The following KIAA1549L variants were observed in gnomAD, a reference collection of about 807,000 sequenced individuals.
The protein encoded by KIAA1549L is KIAA1549 like.
In KIAA1549L, 88 loss-of-function variants were observed where a neutral mutation model predicts 160.7. The observed-to-expected ratio is 0.55, with a 90% confidence interval of 0.46 to 0.65. The LOEUF (loss-of-function observed/expected upper bound fraction) is 0.65. KIAA1549L is among the 30% of genes least tolerant of loss of function. The pLI is 0.00. For missense variants in KIAA1549L, 2,258 were observed against 2,437.5 expected (o/e 0.93, Z 1.55); for synonymous variants, 950 against 976.7 (o/e 0.97, Z 0.51).
At chr11:33,594,026 AG>A (rs2133293229) in intron 12 of KIAA1549L, among the ~76,000 whole-genome samples, 1 of 152,308 alleles carries the variant, frequency 6.6e-6, no homozygotes, top group South Asian at 2.1e-4. Context: ...GAATAGTGTC[AG>A]GAAGAAGGGC....
At chr11:33,516,009 C>T (rs1330430359) in intron 1 of KIAA1549L, among the ~76,000 whole-genome samples, 1 of 152,184 alleles carries the variant, frequency 6.6e-6, no homozygotes, top group Non-Finnish European at 1.5e-5. Context: ...TTCATGCTGC[C>T]ATTCTGTACT....
chr11:33,541,472 A>G (rs1242848948), intron 1 of KIAA1549L, among the ~76,000 whole-genome samples: 1 of 152,184 alleles, frequency 6.6e-6, no homozygotes, highest in Non-Finnish European at 1.5e-5. Context: ...GTCATTGGCC[A>G]TGGCAGTTGA....
intron 4 of KIAA1549L, among the ~76,000 whole-genome samples, chr11:33,549,132 A>G (rs1276568104): frequency 6.6e-6 from 1 of 151,614 alleles, no homozygotes; most frequent in Admixed American, 6.5e-5. Context: ...TTTACAGACC[A>G]GTGTGACAAT....
chr11:33,385,625 G>A (rs1850158626), intron 1 of KIAA1549L, among the ~76,000 whole-genome samples: 1 of 152,066 alleles, frequency 6.6e-6, no homozygotes, highest in Non-Finnish European at 1.5e-5. Context: ...GCTATTCTAG[G>A]TCTTATGCTT....
At chr11:33,450,743 A>T (rs1018723371) in intron 1 of KIAA1549L, 1 of 152,186 alleles carries the variant, frequency 6.6e-6, no homozygotes, top group Admixed American at 6.5e-5. Context: ...AACAGCTGCA[A>T]ACTCTCCCAG....
chr11:33,614,591 T>A (rs1410369287), intron 15 of KIAA1549L, among the ~76,000 whole-genome samples: 3 of 44,864 alleles, frequency 6.7e-5, no homozygotes, highest in Non-Finnish European at 1.4e-4. Context: ...TATATTTTTT[T>A]TTTTTTTTTT....
intron 9 of KIAA1549L, among the ~76,000 whole-genome samples, chr11:33,574,287 G>C (rs1462281555): frequency 6.6e-6 from 1 of 151,038 alleles, no homozygotes; most frequent in South Asian, 2.1e-4. Context: ...GAGATCTTTT[G>C]AATTGCAGAC....
chr11:33,476,426 T>C (rs1004898631), intron 1 of KIAA1549L, among the ~76,000 whole-genome samples: 1 of 152,164 alleles, frequency 6.6e-6, no homozygotes, highest in Non-Finnish European at 1.5e-5. Flanking sequence ...GAGGAACTAG[T>C]AGATGCTAGA....
chr11:33,384,943 T>G (rs941666571), intron 1 of KIAA1549L, among the ~76,000 whole-genome samples: 1 of 150,432 alleles, frequency 6.6e-6, no homozygotes, highest in Non-Finnish European at 1.5e-5. Context: ...TTTTGTTTTT[T>G]GTTTTTTTTT....
intron 5 of KIAA1549L, 142 bp from the exon 6 acceptor site, chr11:33,551,966 A>C: frequency 1.1e-6 from 1 of 923,690 alleles, no homozygotes. Flanking sequence ...CAAAACTACA[A>C]GCAAACCTTG....
intron 1 of KIAA1549L, among the ~76,000 whole-genome samples, chr11:33,465,917 T>C (rs1458658588): frequency 6.6e-6 from 1 of 152,042 alleles, no homozygotes. Context: ...GCAATACCAT[T>C]CAGGACATAG....
intron 11 of KIAA1549L, among the ~76,000 whole-genome samples, chr11:33,587,211 G>A (rs1452913043): frequency 6.6e-6 from 1 of 152,186 alleles, no homozygotes; most frequent in African/African-American, 2.4e-5. Context: ...GGTCTTGGCA[G>A]TGTATCCGCC....
chr11:33,468,878 A>G (rs1440957772), intron 1 of KIAA1549L, among the ~76,000 whole-genome samples: 2 of 152,166 alleles, frequency 1.3e-5, no homozygotes, highest in African/African-American at 2.4e-5. Flanking sequence ...TTATAGAAAC[A>G]TCAACAAATA....
chr11:33,420,324 G>A (rs1850985824), intron 1 of KIAA1549L, among the ~76,000 whole-genome samples: 1 of 148,438 alleles, frequency 6.7e-6, no homozygotes, highest in Non-Finnish European at 1.5e-5. Flanking sequence ...GACCTCTCAG[G>A]CTCAAGCAAC....
intron 16 of KIAA1549L, among the ~76,000 whole-genome samples, chr11:33,636,329 C>A (rs1360766727): frequency 6.0e-5 from 9 of 150,014 alleles, no homozygotes; most frequent in Non-Finnish European, 1.2e-4. Flanking sequence ...TTGCTACAAT[C>A]TCTGGTAACA....
In KIAA1549L at chr11:33,567,617, A is replaced by T. The variant is rs562842697; in HGVS notation, c.4079-459A>T. ...CTGGGACAAGGCAAAATAAAATAGG[A>T]ATAGCCCTGAGCCAGACCTTGAGTG... On this transcript the variant is annotated intron_variant, in intron 8 of 20. Coordinates refer to ENST00000658780, the MANE Select transcript of KIAA1549L (RefSeq NM_012194.3). Among the ~76,000 whole-genome samples the T allele has an allele frequency of 3.3e-4, 50 of 152,180 alleles. 1 individual carries two copies. Among genetic ancestry groups the T allele is most frequent in the Admixed American group, 7.2e-4 (11 of 15,278 alleles).
intron 1 of KIAA1549L, among the ~76,000 whole-genome samples, chr11:33,536,895 C>T (rs183491459): frequency 1.5e-3 from 232 of 152,298 alleles, no homozygotes; most frequent in Middle Eastern, 6.8e-3. Flanking sequence ...TCTTTCCCGT[C>T]TGTTCTTCAT....
In KIAA1549L at chr11:33,551,115, G is replaced by T; in HGVS notation, c.3577G>T (p.Ala1193Ser). The part of the protein sequence containing the change: ...ATKGKLVYLP[A>S]VVIEMLGVYG... The stretch of plus-strand genomic sequence containing the variant: ...CAAAGGGAAGTTGGTGTATTTGCCT[G>T]CTGTGGTGATCGAAATGCTGGGTGT... The change falls in exon 5 of 21, where the codon GCT (alanine) becomes TCT (serine). Residue 1193 changes from alanine to serine, a missense_variant. Ala to Ser is a moderately conservative substitution (Grantham distance 99). Around this residue, in one of 6 missense-constraint regions of KIAA1549L, gnomAD observed 1,359 missense variants for 1,546.6 expected, o/e 0.88. Transcript: ENST00000658780. 6.2e-7 allele frequency: 1 copy of T among 1,613,986 alleles called. No individual in the cohort carries two copies. The highest frequency in any genetic ancestry group is 8.5e-7 in the Non-Finnish European group (1 of 1,179,868).
At chr11:33,383,587 C>T (rs1481583950) in intron 1 of KIAA1549L, among the ~76,000 whole-genome samples, 1 of 152,164 alleles carries the variant, frequency 6.6e-6, no homozygotes, top group Admixed American at 6.6e-5. Context: ...TCAGGCCCTC[C>T]ACTAGATGCT....
Sources: allele counts gnomAD v4.1 joint callset (sites outside exome capture counted in the v4.1 genomes callset), GRCh38; gene constraint gnomAD v4.1.1; regional missense constraint gnomAD v4.1.1; transcripts MANE v1.5; gene names NCBI Gene and HGNC (gene_info 2026-07-23, HGNC 2026-07-21).